The following KSR2 variants were observed in gnomAD, a reference collection of about 807,000 sequenced individuals.
The protein encoded by KSR2 is kinase suppressor of ras 2.
Under a neutral mutation model 107.8 loss-of-function variants are expected in KSR2, and 25 were observed. That is an observed-to-expected ratio of 0.23 (90% CI 0.17 to 0.32). The LOEUF is 0.32. Ranked by LOEUF, KSR2 falls within the 10% of genes least tolerant of loss-of-function variation. The pLI, the probability that KSR2 is intolerant of heterozygous loss-of-function variation, is 1.00. For synonymous variants in KSR2, 480 were observed against 507.0 expected, an observed-to-expected ratio of 0.95 and a Z score of 0.71; for missense variants, 887 against 1,268.9, an observed-to-expected ratio of 0.70 and a Z score of 4.57.
At chr12:117,704,786 G>A (rs191062620) in intron 4 of KSR2, among the ~76,000 whole-genome samples, 6 of 151,966 alleles carry the variant, frequency 3.9e-5, no homozygotes, top group Non-Finnish European at 8.8e-5. Context: ...TTGAACCCAG[G>A]AGGTGGAGGT....
intron 14 of KSR2, among the ~76,000 whole-genome samples, chr12:117,488,987 T>TA (rs1872612338): frequency 1.3e-5 from 2 of 152,238 alleles, no homozygotes. Context: ...CTGTACTATA[T>TA]AAAAATAACC....
intron 1 of KSR2, among the ~76,000 whole-genome samples, chr12:117,938,533 T>G (rs1895910796): frequency 6.7e-6 from 1 of 150,316 alleles, no homozygotes; most frequent in Non-Finnish European, 1.5e-5. Flanking sequence ...ATTGTGCACA[T>G]GTACCCTAAA....
chr12:117,754,308 T>A (rs1888711910), intron 4 of KSR2, among the ~76,000 whole-genome samples: 1 of 152,012 alleles, frequency 6.6e-6, no homozygotes, highest in African/African-American at 2.4e-5. Flanking sequence ...CCACCACGGG[T>A]GTGCCTGAGA....
intron 14 of KSR2, among the ~76,000 whole-genome samples, chr12:117,509,901 T>G (rs932139471): frequency 4.6e-5 from 7 of 152,234 alleles, no homozygotes; most frequent in Admixed American, 2.6e-4. Flanking sequence ...CAAGAGTGAC[T>G]TCTCAGCTGC....
At chr12:117,717,509 A>T (rs986737645) in intron 4 of KSR2, among the ~76,000 whole-genome samples, 1 of 152,114 alleles carries the variant, frequency 6.6e-6, no homozygotes, top group Non-Finnish European at 1.5e-5. Context: ...ACAAAGCAAG[A>T]CCCTATCTCA....
chr12:117,863,443 G>A (rs900237236), intron 1 of KSR2, among the ~76,000 whole-genome samples: 1 of 152,180 alleles, frequency 6.6e-6, no homozygotes, highest in Non-Finnish European at 1.5e-5. Context: ...CCCCAGCAGT[G>A]AGCGGAGAAA....
At chr12:117,913,117 G>A (rs147386265) in intron 1 of KSR2, among the ~76,000 whole-genome samples, 14 of 152,286 alleles carry the variant, frequency 9.2e-5, no homozygotes, top group East Asian at 7.7e-4. Context: ...TATCCTGTCC[G>A]TTCCCGAGTT....
chr12:117,776,008 C>T (rs1175413965), intron 3 of KSR2, among the ~76,000 whole-genome samples: 6 of 151,934 alleles, frequency 3.9e-5, no homozygotes, highest in Admixed American at 1.3e-4. Flanking sequence ...GGGTGATGAG[C>T]GCACAAAATC....
Position 117,461,485 on chromosome 12 carries a change from G to A in KSR2, c.*5714C>T, listed in dbSNP as rs1327593855. The A allele has an allele frequency of 2.0e-5, 3 of 152,278 alleles. No homozygotes were observed. Among genetic ancestry groups the A allele is most frequent in the Admixed American group, 1.3e-4 (2 of 15,276 alleles). 9.4% of individuals were successfully genotyped at this position (152,278 alleles called of 1,614,324 possible). The stretch of plus-strand genomic sequence containing the variant: ...CTTACTATGTGCCAGGCACTACTAA[G>A]ACAAGTCCAGGAGGTCACTGGGACC... On this transcript the variant is annotated 3_prime_UTR_variant, in exon 20 of 20. Transcript: ENST00000339824.
chr12:117,794,271 ACACACACCAACATGCACT>A (rs1890490570), intron 3 of KSR2, among the ~76,000 whole-genome samples: 1 of 110,830 alleles, frequency 9.0e-6, no homozygotes, highest in Non-Finnish European at 1.7e-5. Context: ...ACCAACATGC[ACACACACCAACATGCACT>A]CACACACCAA....
chr12:117,583,446 TGG>T (rs1879813266), intron 5 of KSR2, among the ~76,000 whole-genome samples: 1 of 149,962 alleles, frequency 6.7e-6, no homozygotes, highest in South Asian at 2.2e-4. Context: ...GATGGATGGA[TGG>T]ATGGATGGAT....
At chr12:117,502,627 T>C (rs1222513128) in intron 14 of KSR2, among the ~76,000 whole-genome samples, 3 of 152,156 alleles carry the variant, frequency 2.0e-5, no homozygotes, top group Non-Finnish European at 4.4e-5. Flanking sequence ...CTAAAAACTA[T>C]TGACACTGTG....
chr12:117,562,243 C>A (rs747115905), intron 7 of KSR2, among the ~76,000 whole-genome samples: 2 of 133,684 alleles, frequency 1.5e-5, no homozygotes, highest in Non-Finnish European at 3.0e-5. Context: ...GAGAACAACA[C>A]GAATGGTGGG....
intron 4 of KSR2, among the ~76,000 whole-genome samples, chr12:117,691,315 AC>A (rs1389889906): frequency 6.6e-6 from 1 of 152,082 alleles, no homozygotes. Context: ...AAATGACACA[AC>A]CCAGTGTCTT....
rs761879659 is a variant in KSR2, at chr12:117,761,326, A to G, written c.671T>C (p.Val224Ala). 11 of 1,558,282 alleles carry G rather than the reference A, an allele frequency of 7.1e-6. No individual in the cohort carries two copies. Among genetic ancestry groups the G allele is most frequent in the Non-Finnish European group, 9.5e-6 (11 of 1,157,576 alleles). The stretch of plus-strand genomic sequence containing the variant: ...GTAGGCGTCCACGGTAAGCCTGTCC[A>G]CGTGGGTGTACACAGGGGCCCCGGG... ...PTPGAPVYTH[V>A]DRLTVDAYPG... Residue 224 changes from valine (V) to alanine (A), a missense_variant, in exon 4 of 20, where the codon GTG becomes GCG. Physicochemically the swap from Val to Ala is moderately conservative, Grantham distance 64. Transcript: ENST00000339824.
At chr12:117,728,447 T>A (rs1413037619) in intron 4 of KSR2, among the ~76,000 whole-genome samples, 1 of 152,210 alleles carries the variant, frequency 6.6e-6, no homozygotes, top group Non-Finnish European at 1.5e-5. Context: ...CAAAGCAAAT[T>A]GGCCCAGGCG....
chr12:117,613,033 C>T (rs570955851), intron 5 of KSR2, among the ~76,000 whole-genome samples: 1 of 152,316 alleles, frequency 6.6e-6, no homozygotes, highest in South Asian at 2.1e-4. Context: ...AGAAATTACC[C>T]AGTCTCTGGT....
rs1890496052 is a variant in KSR2, at chr12:117,794,298, A to C, written c.473-32774T>G. ...ACACACCAACATGCACTCACACACC[A>C]ACATGCACACACACCAACATGCACT... is the stretch of plus-strand genomic sequence containing the variant. On this transcript the variant is annotated intron_variant, in intron 3 of 19. Coordinates refer to ENST00000339824, the MANE Select transcript of KSR2 (RefSeq NM_173598.6). Among the ~76,000 whole-genome samples the C allele has an allele frequency of 3.1e-5, 2 of 64,674 alleles. 1 individual carries two copies. The highest frequency in any genetic ancestry group is 1.7e-4 in the African/African-American group (2 of 11,482). The allele number at this position is 64,674 out of a possible 152,430, so 42.4% of individuals were successfully genotyped here.
intron 3 of KSR2, among the ~76,000 whole-genome samples, chr12:117,765,013 A>G (rs2136887383): frequency 6.6e-6 from 1 of 152,342 alleles, no homozygotes; most frequent in South Asian, 2.1e-4. Flanking sequence ...TAATACATCA[A>G]TATCTGCTAT....
Sources: allele counts gnomAD v4.1 joint callset (sites outside exome capture counted in the v4.1 genomes callset), GRCh38; gene constraint gnomAD v4.1.1; transcripts MANE v1.5; gene names NCBI Gene and HGNC (gene_info 2026-07-23, HGNC 2026-07-21).